CMIP: variants seen among roughly 807,000 people sequenced by gnomAD.
CMIP encodes the protein C-Maf-inducing protein.
In CMIP, 13 loss-of-function variants were observed where a neutral mutation model predicts 97.3. That is an observed-to-expected ratio of 0.13 (90% CI 0.09 to 0.21). The LOEUF (loss-of-function observed/expected upper bound fraction) is 0.21, where lower values mean the gene tolerates loss of function less well. Ranked by LOEUF, CMIP falls within the 10% of genes least tolerant of loss-of-function variation. The pLI is 1.00. For missense variants in CMIP, 847 were observed against 1,024.9 expected, an observed-to-expected ratio of 0.83 and a Z score of 2.37; for synonymous variants, 538 against 436.3, an observed-to-expected ratio of 1.23 and a Z score of -2.91.
intron 1 of CMIP, among the ~76,000 whole-genome samples, chr16:81,451,991 C>G (rs1349982812): frequency 2.0e-5 from 3 of 152,296 alleles, no homozygotes; most frequent in Non-Finnish European, 2.9e-5. Flanking sequence ...GAGCCCTAAC[C>G]GAAGGGTGAT....
intron 1 of CMIP, among the ~76,000 whole-genome samples, chr16:81,468,654 G>A (rs1907349056): frequency 6.6e-6 from 1 of 152,264 alleles, no homozygotes; most frequent in South Asian, 2.1e-4. Flanking sequence ...CATGGGAGAA[G>A]AGAGTTATGG....
chr16:81,638,449 G>A (rs1414401652), intron 3 of CMIP, among the ~76,000 whole-genome samples: 7 of 151,714 alleles, frequency 4.6e-5, no homozygotes, highest in Non-Finnish European at 7.4e-5. Flanking sequence ...CCACCTGCAC[G>A]GGACTCTCTG....
chr16:81,608,385 G>T (rs1419727389), intron 2 of CMIP, among the ~76,000 whole-genome samples: 1 of 152,116 alleles, frequency 6.6e-6, no homozygotes, highest in Non-Finnish European at 1.5e-5. Context: ...GTGCTTCTGT[G>T]TGCTGGCTTC....
At chr16:81,458,984 G>C (rs1906732043) in intron 1 of CMIP, among the ~76,000 whole-genome samples, 1 of 152,006 alleles carries the variant, frequency 6.6e-6, no homozygotes, top group Non-Finnish European at 1.5e-5. Context: ...CATCTCCGCT[G>C]TCACCATCAC....
intron 1 of CMIP, among the ~76,000 whole-genome samples, chr16:81,559,114 G>T (rs1467897803): frequency 6.6e-6 from 1 of 152,232 alleles, no homozygotes; most frequent in Admixed American, 6.5e-5. Context: ...CTTCCAGCTT[G>T]TTGGCCTCCA....
intron 1 of CMIP, among the ~76,000 whole-genome samples, chr16:81,537,571 A>G (rs1225407064): frequency 7.4e-6 from 1 of 134,324 alleles, no homozygotes; most frequent in Admixed American, 7.4e-5. Flanking sequence ...AAAAAAAAAA[A>G]GACCCAAATA....
At chr16:81,459,048 CCA>C (rs1906742273) in intron 1 of CMIP, among the ~76,000 whole-genome samples, 3 of 144,372 alleles carry the variant, frequency 2.1e-5, no homozygotes, top group East Asian at 2.1e-4. Flanking sequence ...ATCACCATCA[CCA>C]TCACCATCAC....
intron 1 of CMIP, among the ~76,000 whole-genome samples, chr16:81,575,205 G>C (rs146624106): frequency 0.01 from 1,539 of 152,300 alleles, 30 homozygotes; most frequent in African/African-American, 0.035. Context: ...CCAGTTTATG[G>C]AGGAGGAAAC....
rs1907734434 is a variant in CMIP at position 81,704,024 on chromosome 16, C to T, written c.2030C>T (p.Ala677Val). ...LSLAFTNVTS[A>V]CAEHLIKLPS... is the part of the protein sequence containing the mutation. ...TTGGCCTTCACCAATGTAACCAGTGCCTGCGCCGAGCACCTCATCAAACTG... is the reference window on the plus strand; with the variant it reads ...TTGGCCTTCACCAATGTAACCAGTGTCTGCGCCGAGCACCTCATCAAACTG... Residue 677 changes from alanine to valine, a missense_variant, in exon 18 of 21, where the codon GCC becomes GTC. Around this residue, in one of 4 missense-constraint regions of CMIP, gnomAD observed 266 missense variants for 384.2 expected, o/e 0.69. Transcript: ENST00000537098. 7 of 1,605,382 alleles carry T rather than the reference C, an allele frequency of 4.4e-6. No homozygotes were observed. The highest frequency in any genetic ancestry group is 5.9e-6 in the Non-Finnish European group (7 of 1,176,692).
At chr16:81,539,375 G>A (rs556118499) in intron 1 of CMIP, among the ~76,000 whole-genome samples, 84 of 152,280 alleles carry the variant, frequency 5.5e-4, no homozygotes, top group African/African-American at 1.8e-3. Context: ...TGTTCAGGGG[G>A]TCTTGAAACC....
At chr16:81,571,199 A>T (rs549034082) in intron 1 of CMIP, among the ~76,000 whole-genome samples, 1 of 152,252 alleles carries the variant, frequency 6.6e-6, no homozygotes, top group African/African-American at 2.4e-5. Flanking sequence ...AGGCGGGTGC[A>T]GTGACTCATG....
At chr16:81,553,611 A>G (rs1173528321) in intron 1 of CMIP, among the ~76,000 whole-genome samples, 3 of 152,112 alleles carry the variant, frequency 2.0e-5, no homozygotes, top group Non-Finnish European at 2.9e-5. Context: ...GGCCAAGGGG[A>G]GAGAGAGAGA....
intron 1 of CMIP, among the ~76,000 whole-genome samples, chr16:81,499,762 A>G (rs1319618530): frequency 3.3e-5 from 5 of 152,210 alleles, no homozygotes; most frequent in Non-Finnish European, 7.3e-5. Flanking sequence ...TTTACCCAGC[A>G]GCGCCCTCTG....
Position 81,650,888 on chromosome 16 carries a change from G to A in CMIP, c.478-1315G>A, listed in dbSNP as rs764306885. ...TCTTTCCGACTCAGGTCCACCTCCC[G>A]TCCCACCAGTGTGCCTCACCGACAG... On this transcript the variant is annotated intron_variant, in intron 3 of 20. Transcript: ENST00000537098. Among the ~76,000 whole-genome samples the A allele has an allele frequency of 5.3e-5, 8 of 152,110 alleles. No homozygotes were observed. The East Asian group carries it at 7.7e-4, about 15-fold the overall frequency.
chr16:81,622,429 C>A lies in CMIP; in HGVS notation c.477+1503C>A, dbSNP rs557881001. On this transcript the variant is annotated intron_variant, in intron 3 of 20. Coordinates refer to ENST00000537098, the MANE Select transcript of CMIP (RefSeq NM_198390.3). ...GGGTACGAGTGTGTCTGAAGACAGG[C>A]GGGACATTCGTCAGCACCTACTGGG... 2.0e-5 allele frequency among the ~76,000 whole-genome samples: 3 copies of A among 152,044 alleles called. No individual in the cohort carries two copies. The East Asian group carries it at 5.8e-4, about 29-fold the overall frequency.
At chr16:81,632,879 C>G (rs1597171418) in intron 3 of CMIP, among the ~76,000 whole-genome samples, 1 of 152,184 alleles carries the variant, frequency 6.6e-6, no homozygotes, top group East Asian at 1.9e-4. Context: ...CACCCCCACC[C>G]CCACCTTCTG....
intron 3 of CMIP, among the ~76,000 whole-genome samples, chr16:81,641,064 G>C (rs562993147): frequency 2.1e-4 from 32 of 152,176 alleles, no homozygotes; most frequent in Non-Finnish European, 4.1e-4. Context: ...AGAGGGCTCA[G>C]GAACATCTGT....
chr16:81,452,265 G>C (rs1201988469), intron 1 of CMIP, among the ~76,000 whole-genome samples: 1 of 152,196 alleles, frequency 6.6e-6, no homozygotes, highest in Non-Finnish European at 1.5e-5. Context: ...CAGTGTCCCA[G>C]GTGGTGACCT....
chr16:81,598,968 C>CAAAAAAAAAAAAAAAAAAAAAA (rs141717317), intron 1 of CMIP, among the ~76,000 whole-genome samples: 3 of 49,850 alleles, frequency 6.0e-5, no homozygotes, highest in African/African-American at 8.0e-5. Flanking sequence ...GACTCTGTCT[C>CAAAAAAAAAAAAAAAAAAAAAA]AAAAAAAAAA....
Sources: allele counts gnomAD v4.1 joint callset (sites outside exome capture counted in the v4.1 genomes callset), GRCh38; gene constraint gnomAD v4.1.1; regional missense constraint gnomAD v4.1.1; transcripts MANE v1.5; gene names NCBI Gene and HGNC (gene_info 2026-07-23, HGNC 2026-07-21).